ATL1: variants seen among roughly 807,000 people sequenced by gnomAD.
ATL1 encodes the protein atlastin-1.
Under a neutral mutation model 75.5 loss-of-function variants are expected in ATL1, and 31 were observed. The observed-to-expected ratio is 0.41, with a 90% confidence interval of 0.31 to 0.55. ATL1 has a LOEUF of 0.55. ATL1 is among the 20% of genes least tolerant of loss of function. The pLI, the probability that ATL1 is intolerant of heterozygous loss-of-function variation, is 0.27. For missense variants in ATL1, 405 were observed against 662.6 expected, an observed-to-expected ratio of 0.61 and a Z score of 4.27; for synonymous variants, 226 against 233.3, an observed-to-expected ratio of 0.97 and a Z score of 0.28.
chr14:50,537,155 A>C (rs1478540338), intron 1 of ATL1, among the ~76,000 whole-genome samples: 1 of 152,178 alleles, frequency 6.6e-6, no homozygotes, highest in Non-Finnish European at 1.5e-5. Flanking sequence ...TGCAGCCTAG[A>C]GACTTGGTGC....
intron 12 of ATL1, 88 bp from the exon 13 acceptor site, chr14:50,629,903 AAATT>A: frequency 2.0e-6 from 2 of 980,908 alleles, no homozygotes; most frequent in Non-Finnish European, 3.1e-6. Context: ...AAATGCTCAC[AAATT>A]AATATTGTAA....
chr14:50,631,948 GGCAAAGTAGAA>G (rs1259476681), intron 13 of ATL1: 12 of 245,066 alleles, frequency 4.9e-5, no homozygotes, highest in East Asian at 4.7e-4. Context: ...ACACCCCTGG[GGCAAAGTAGAA>G]GCTCACTGCT....
At chr14:50,595,106 C>G (rs1322480685) in intron 5 of ATL1, among the ~76,000 whole-genome samples, 1 of 151,912 alleles carries the variant, frequency 6.6e-6, no homozygotes, top group Non-Finnish European at 1.5e-5. Context: ...TTGTAGTAAT[C>G]CAAGCCATTG....
In ATL1 at chr14:50,629,988, G is replaced by A; in HGVS notation, c.1552-7G>A. 6.3e-7 allele frequency: 1 copy of A among 1,592,070 alleles called. No individual in the cohort carries two copies. The highest frequency in any genetic ancestry group is 8.6e-7 in the Non-Finnish European group (1 of 1,165,096). ...TCTTTTTTCTTTTTAATCTGCCTTTGCCACAGGGAAGTACAAATGAGGTAA... is the reference window on the plus strand; with the variant it reads ...TCTTTTTTCTTTTTAATCTGCCTTTACCACAGGGAAGTACAAATGAGGTAA... On this transcript the variant is annotated splice_polypyrimidine_tract_variant and splice_region_variant and intron_variant, in intron 12 of 13. Transcript: ENST00000358385.
At chr14:50,600,802 A>T (rs1485598901) in intron 6 of ATL1, among the ~76,000 whole-genome samples, 1 of 152,202 alleles carries the variant, frequency 6.6e-6, no homozygotes, top group Non-Finnish European at 1.5e-5. Flanking sequence ...AAATAATTTT[A>T]TATTAAAATT....
chr14:50,555,992 A>T (rs1210524383), upstream of ATL1, among the ~76,000 whole-genome samples: 3 of 152,206 alleles, frequency 2.0e-5, no homozygotes, highest in African/African-American at 7.2e-5. Context: ...CCAATGGAAG[A>T]AAAAATAATT....
chr14:50,539,248 G>T (rs947933844), intron 1 of ATL1, among the ~76,000 whole-genome samples: 1 of 152,222 alleles, frequency 6.6e-6, no homozygotes. Context: ...GAGTGTCAGT[G>T]TAGGGCACAA....
At chr14:50,547,301 G>A (rs1271284315) in intron 1 of ATL1, among the ~76,000 whole-genome samples, 1 of 152,078 alleles carries the variant, frequency 6.6e-6, no homozygotes, top group African/African-American at 2.4e-5. Flanking sequence ...TAGGTACTCA[G>A]TGAATGTCTG....
At chr14:50,580,035 G>T (rs1171483460) in intron 1 of ATL1, among the ~76,000 whole-genome samples, 1 of 152,022 alleles carries the variant, frequency 6.6e-6, no homozygotes, top group Non-Finnish European at 1.5e-5. Flanking sequence ...TTAATCTACT[G>T]CTCTGTGACT....
At chr14:50,551,693 A>T (rs575318445) in intron 1 of ATL1, among the ~76,000 whole-genome samples, 1 of 152,256 alleles carries the variant, frequency 6.6e-6, no homozygotes, top group Non-Finnish European at 1.5e-5. Flanking sequence ...AGTGGATTTC[A>T]TACCAGGGAT....
chr14:50,625,693 A>C (rs1032901250), intron 11 of ATL1, among the ~76,000 whole-genome samples: 1 of 152,134 alleles, frequency 6.6e-6, no homozygotes, highest in Non-Finnish European at 1.5e-5. Context: ...TGGGAGGCCG[A>C]GGTGGGTGGA....
Position 50,600,120 on chromosome 14 carries a change from A to C in ATL1, c.630+4488A>C, listed in dbSNP as rs563384443. On this transcript the variant is annotated intron_variant, in intron 6 of 13. Transcript: ENST00000358385. ...AGTAGGGAACTCCATTGTAAATTAC[A>C]GAAAGGGACTTTAGGTCTTACCAGC... Among the ~76,000 whole-genome samples the C allele has an allele frequency of 1.6e-3, 236 of 152,222 alleles. 2 individuals are homozygous for C. The highest frequency in any genetic ancestry group is 2.3e-3 in the Admixed American group (35 of 15,280).
intron 1 of ATL1, among the ~76,000 whole-genome samples, chr14:50,563,868 GC>G (rs1472620350): frequency 6.6e-6 from 1 of 152,020 alleles, no homozygotes; most frequent in Non-Finnish European, 1.5e-5. Flanking sequence ...TCCAAAATAG[GC>G]ATTGTTATTA....
At chr14:50,563,415 G>A (rs2038870696) in intron 1 of ATL1, among the ~76,000 whole-genome samples, 1 of 152,154 alleles carries the variant, frequency 6.6e-6, no homozygotes, top group Non-Finnish European at 1.5e-5. Flanking sequence ...GGTCTCTCAT[G>A]AGAAAAATCT....
At chr14:50,614,856 T>C (rs1262072831) in intron 8 of ATL1, among the ~76,000 whole-genome samples, 2 of 152,194 alleles carry the variant, frequency 1.3e-5, no homozygotes, top group Non-Finnish European at 2.9e-5. Context: ...CAGATGTCTA[T>C]AGTATTGGAA....
intron 1 of ATL1, among the ~76,000 whole-genome samples, chr14:50,564,345 TTAGAAAAATAGTATTCGCAC>T (rs2038880327): frequency 6.6e-6 from 1 of 151,900 alleles, no homozygotes; most frequent in Non-Finnish European, 1.5e-5. Flanking sequence ...CAAAACTGCT[TTAGAAAAATAGTATTCGCAC>T]TAGGCTGGGC....
chr14:50,550,364 A>G (rs2038687109), intron 1 of ATL1, among the ~76,000 whole-genome samples: 1 of 152,204 alleles, frequency 6.6e-6, no homozygotes, highest in Non-Finnish European at 1.5e-5. Flanking sequence ...CCTACTGAAC[A>G]TCTGTGTTTG....
chr14:50,579,183 T>C (rs1314097656), intron 1 of ATL1, among the ~76,000 whole-genome samples: 1 of 152,180 alleles, frequency 6.6e-6, no homozygotes, highest in Non-Finnish European at 1.5e-5. Context: ...TGGTGAGAGC[T>C]AAGGATGATG....
At chr14:50,556,780 A>G (rs942392149), upstream of ATL1, among the ~76,000 whole-genome samples, 1 of 152,196 alleles carries the variant, frequency 6.6e-6, no homozygotes, top group African/African-American at 2.4e-5. Flanking sequence ...TTCATTTACT[A>G]TAATGTTTTC....
Sources: allele counts gnomAD v4.1 joint callset (sites outside exome capture counted in the v4.1 genomes callset), GRCh38; gene constraint gnomAD v4.1.1; transcripts MANE v1.5; gene names NCBI Gene and HGNC (gene_info 2026-07-23, HGNC 2026-07-21).